TRIM4: variants seen among roughly 807,000 people sequenced by gnomAD.
TRIM4 encodes E3 ubiquitin-protein ligase TRIM4.
Under a neutral mutation model 33.7 loss-of-function variants are expected in TRIM4, and 29 were observed. The observed-to-expected ratio is 0.86, with a 90% CI of 0.64 to 1.17. The LOEUF (loss-of-function observed/expected upper bound fraction) is 1.17. Among genes scored for constraint, TRIM4 ranks in the 50% most tolerant of loss-of-function variants. The pLI is 0.00. For synonymous variants in TRIM4, 224 were observed against 233.0 expected (o/e 0.96, Z 0.35); for missense variants, 554 against 593.7 (o/e 0.93, Z 0.69).
At chr7:99,907,868 G>A (rs1400258610) in intron 3 of TRIM4, among the ~76,000 whole-genome samples, 1 of 152,126 alleles carries the variant, frequency 6.6e-6, no homozygotes, top group Non-Finnish European at 1.5e-5. Flanking sequence ...GTGATATGGA[G>A]GAAAGAGAGG....
At position 99,908,749 on chromosome 7, in the gene TRIM4, C is replaced by T; in HGVS notation, c.553G>A (p.Val185Ile). 1 of 1,614,188 alleles carries T rather than the reference C, an allele frequency of 6.2e-7. No individual in the cohort carries two copies. Among genetic ancestry groups the T allele is most frequent in the Non-Finnish European group, 8.5e-7 (1 of 1,180,034 alleles). Reference protein sequence around the residue: ...TEFSKLHNFLVEEEDLFLQRL... With the variant: ...TEFSKLHNFLIEEEDLFLQRL... ...TGAAGAAACAGGTCCTCTTCTTCAACCAGGAAGTTGTGCAGCTTTGAAAAC... is the reference window on the plus strand; with the variant it reads ...TGAAGAAACAGGTCCTCTTCTTCAATCAGGAAGTTGTGCAGCTTTGAAAAC... The change falls in exon 3 of 6, where the codon GTT becomes ATT. Residue 185 changes from valine (V) to isoleucine (I), a missense_variant. Val to Ile is a conservative substitution (Grantham distance 29). This residue lies in a region of TRIM4 where 31 missense variants were observed against 54.8 expected (regional missense o/e 0.57). Coordinates refer to ENST00000349062, the MANE Select transcript of TRIM4 (RefSeq NM_033091.3).
In TRIM4 at chr7:99,903,288, A is replaced by G. The variant is rs2247761; in HGVS notation, c.771T>C (p.Ser257=). Residue 257 remains serine (S), a synonymous_variant, in exon 5 of 6, where the codon TCT becomes TCC. Transcript: ENST00000349062. ...CTGTCTTCACCTTTACAGCTTCAAG[A>G]GAATAGTTCACATCCTGGATCTCAC... ...TRSEIQDVNY[S]LEAVKVKTVC... 0.58 allele frequency: 930,788 copies of G among 1,604,082 alleles called. 276,868 individuals carry two copies. Among genetic ancestry groups the G allele is most frequent in the African/African-American group, 0.86 (64,088 of 74,908 alleles).
At chr7:99,893,070 G>A (rs1421481758) in intron 5 of TRIM4, among the ~76,000 whole-genome samples, 1 of 152,070 alleles carries the variant, frequency 6.6e-6, no homozygotes, top group African/African-American at 2.4e-5. Flanking sequence ...CCAACATGGC[G>A]AAACCCCGTC....
intron 5 of TRIM4, among the ~76,000 whole-genome samples, chr7:99,900,015 G>A (rs1163251561): frequency 6.6e-6 from 1 of 152,122 alleles, no homozygotes; most frequent in African/African-American, 2.4e-5. Context: ...CAAACTCCTG[G>A]CCTCAAGCAA....
rs200322330 is a variant in TRIM4, at chr7:99,919,108, G to A, written c.294C>T (p.Cys98=). The stretch of plus-strand genomic sequence containing the variant: ...GGCACACTGGCCGCTGGTCGTCCTC[G>A]CAGAAGAGCCGCAGCGGCTCCCAGT... ...GRHWEPLRLF[C]EDDQRPVCLV... The change falls in exon 1 of 6, where the codon TGC becomes TGT. Residue 98 remains cysteine, a synonymous_variant. Coordinates refer to ENST00000349062, the MANE Select transcript of TRIM4 (RefSeq NM_033091.3). 1.2e-4 allele frequency: 183 copies of A among 1,527,358 alleles called. No individual in the cohort carries two copies. In the East Asian group the frequency reaches 3.6e-3, roughly 30 times the overall value. The allele number at this position is 1,527,358 out of a possible 1,614,324, so 94.6% of individuals were successfully genotyped here. A position where few individuals can be genotyped will look rare whatever the true frequency, so the allele number is the denominator to read the frequency against.
chr7:99,913,604 G>A (rs1473505028), intron 1 of TRIM4, among the ~76,000 whole-genome samples: 3 of 152,086 alleles, frequency 2.0e-5, no homozygotes, highest in Admixed American at 6.5e-5. Flanking sequence ...CCGGGAGGTG[G>A]AGGTTGCAGT....
chr7:99,907,688 A>T (rs1819339619), intron 3 of TRIM4, among the ~76,000 whole-genome samples: 1 of 152,348 alleles, frequency 6.6e-6, no homozygotes, highest in Admixed American at 6.5e-5. Context: ...CTATCATATA[A>T]AACCTAGCTA....
intron 5 of TRIM4, among the ~76,000 whole-genome samples, chr7:99,902,351 G>A (rs1474456064): frequency 1.3e-5 from 2 of 151,876 alleles, no homozygotes; most frequent in Non-Finnish European, 2.9e-5. Context: ...AGGTTCAAGC[G>A]ATTCTCCTGC....
In TRIM4 at chr7:99,919,307, C is replaced by T; in HGVS notation, c.95G>A (p.Cys32Tyr). Residue 32 changes from cysteine (C) to tyrosine (Y), a missense_variant, in exon 1 of 6, where the codon TGC becomes TAC. Transcript: ENST00000349062. ...CCAGTTGCGGTGCAGGCAGCCGCGG[C>T]AGAAGTTGTGGCCGCACTCGATGGA... ...PVSIECGHNF[C>Y]RGCLHRNWAP... is the part of the protein sequence containing the mutation. The T allele has an allele frequency of 6.4e-7, 1 of 1,559,936 alleles. No individual in the cohort carries two copies. The highest frequency in any genetic ancestry group is 1.4e-5 in the African/African-American group (1 of 72,620).
At chr7:99,899,939 C>T (rs919915758) in intron 5 of TRIM4, among the ~76,000 whole-genome samples, 1 of 152,122 alleles carries the variant, frequency 6.6e-6, no homozygotes, top group African/African-American at 2.4e-5. Flanking sequence ...TACAGGCACA[C>T]ACCAGCACAC....
At chr7:99,909,161 T>TGTGTGC (rs1360872411) in intron 2 of TRIM4, among the ~76,000 whole-genome samples, 11 of 150,154 alleles carry the variant, frequency 7.3e-5, no homozygotes, top group East Asian at 1.9e-4. Context: ...TGTGTGTGCG[T>TGTGTGC]GTGTGTGTGC....
At chr7:99,909,133 G>GGTGTGT (rs140032652) in intron 2 of TRIM4, among the ~76,000 whole-genome samples, 3,479 of 148,334 alleles carry the variant, frequency 0.023, 61 homozygotes, top group East Asian at 0.071. Context: ...GGAGTGTGAG[G>GGTGTGT]GTGTGTGTGT....
In TRIM4 at chr7:99,903,227, G is replaced by A. The variant is rs1379066786; in HGVS notation, c.832C>T (p.Arg278Ter). Residue 278 changes from arginine to a stop codon, truncating the protein, a stop_gained, in exon 5 of 6, where the codon CGA becomes TGA. Coordinates refer to ENST00000349062, the MANE Select transcript of TRIM4 (RefSeq NM_033091.3). LOFTEE classifies it low-confidence loss of function (END_TRUNC). ...TAGAAATTCTGCTCACCTTGGAATC[G>A]CTTTAGCATTTCCTTCATCAATGGT... is the stretch of plus-strand genomic sequence containing the variant. ...QIPLMKEMLK[R>*]FQVAVNLAED... is the part of the protein sequence containing the mutation. 14 of 1,610,604 alleles carry A rather than the reference G, an allele frequency of 8.7e-6. No individual in the cohort carries two copies. The highest frequency in any genetic ancestry group is 5.5e-5 in the South Asian group (5 of 90,758).
chr7:99,918,346 C>T (rs1382447877), intron 1 of TRIM4, among the ~76,000 whole-genome samples: 1 of 152,176 alleles, frequency 6.6e-6, no homozygotes, highest in Non-Finnish European at 1.5e-5. Flanking sequence ...CGGGGCAGAT[C>T]ACTTGAGGTC....
chr7:99,917,994 T>C, intron 1 of TRIM4: 2 of 264,382 alleles, frequency 7.6e-6, no homozygotes, highest in Non-Finnish European at 1.2e-5. Flanking sequence ...CCGGAGCTTC[T>C]TAACCCATGA....
chr7:99,903,793 C>T (rs936987951), intron 3 of TRIM4, among the ~76,000 whole-genome samples, 195 bp from the exon 4 acceptor site: 5 of 152,162 alleles, frequency 3.3e-5, no homozygotes, highest in African/African-American at 1.2e-4. Context: ...GACAATGCTG[C>T]CTGCGCCCCT....
chr7:99,906,335 T>C (rs1393893716), intron 3 of TRIM4, among the ~76,000 whole-genome samples: 2 of 152,038 alleles, frequency 1.3e-5, no homozygotes, highest in South Asian at 2.1e-4. Flanking sequence ...TTATGATTTA[T>C]ACATTTTTCT....
intron 3 of TRIM4, among the ~76,000 whole-genome samples, chr7:99,906,960 C>T (rs1819320474): frequency 1.3e-5 from 2 of 151,946 alleles, no homozygotes; most frequent in East Asian, 1.9e-4. Flanking sequence ...TAGCCATTAC[C>T]GGAAAAAGAA....
intron 1 of TRIM4, among the ~76,000 whole-genome samples, chr7:99,913,855 T>C (rs1346266349): frequency 2.0e-5 from 3 of 152,108 alleles, no homozygotes; most frequent in Non-Finnish European, 4.4e-5. Context: ...CTTCCAAAGA[T>C]CTTAGTTTCA....
Sources: gnomAD v4.1 joint callset for allele counts (sites outside exome capture counted in the v4.1 genomes callset) on GRCh38, gnomAD v4.1.1 for gene constraint, gnomAD v4.1.1 regional missense constraint, MANE v1.5 for transcripts, NCBI Gene and HGNC (gene_info 2026-07-23, HGNC 2026-07-21) for gene names.